Variants in GRAMD1C observed in about 807,000 individuals in gnomAD.
The protein encoded by GRAMD1C is GRAM domain containing 1C, also known as protein Aster-C.
In GRAMD1C, 89 loss-of-function variants were observed where a neutral mutation model predicts 97.8. The ratio of observed to expected loss-of-function variants is 0.91; its 90% confidence interval spans 0.77 to 1.09. The LOEUF (loss-of-function observed/expected upper bound fraction) is 1.09, where lower values mean the gene tolerates loss of function less well. GRAMD1C is among the 50% of genes least tolerant of loss of function. The pLI, the probability that GRAMD1C is intolerant of heterozygous loss-of-function variation, is 0.00. For synonymous variants in GRAMD1C, 256 were observed against 267.0 expected (o/e 0.96, Z 0.40); for missense variants, 740 against 766.4 (o/e 0.97, Z 0.41).
chr3:113,941,045 CTGTG>C (rs927706254), intron 17 of GRAMD1C, among the ~76,000 whole-genome samples: 5 of 152,198 alleles, frequency 3.3e-5, no homozygotes, highest in African/African-American at 1.2e-4. Context: ...TTCCTATTGT[CTGTG>C]TGTGTCTTCT....
chr3:113,835,112 C>T (rs2108061325), upstream of GRAMD1C, among the ~76,000 whole-genome samples: 1 of 151,548 alleles, frequency 6.6e-6, no homozygotes, highest in East Asian at 1.9e-4. Flanking sequence ...TAAGCATTCC[C>T]CTGATTGTGG....
Position 113,845,888 on chromosome 3 carries a change from T to G in GRAMD1C, c.174+1239T>G, listed in dbSNP as rs533622618. Among the ~76,000 whole-genome samples, 29 of 144,392 alleles carry G rather than the reference T, an allele frequency of 2.0e-4. 1 individual carries two copies. Among genetic ancestry groups the G allele is most frequent in the African/African-American group, 7.0e-4 (27 of 38,556 alleles). The allele number at this position is 144,392 out of a possible 152,430, so 94.7% of individuals were successfully genotyped here. On this transcript the variant is annotated intron_variant, in intron 2 of 17. Transcript: ENST00000358160. ...TTCAGTTCATTGGAATCTTAACAGT[T>G]ATTGAATCTTAACGTGACTAAAACG...
In GRAMD1C at chr3:113,915,719, A is replaced by G. The variant is rs1936786707; in HGVS notation, c.971A>G (p.Asp324Gly). Residue 324 changes from aspartate to glycine, a missense_variant, in exon 10 of 18, where the codon GAT (aspartate) becomes GGT (glycine). Coordinates refer to ENST00000358160, the MANE Select transcript of GRAMD1C (RefSeq NM_017577.5). ...TTTCCAGAAAATGTTCCTGAGAAAGATCTTCATGGAAGACTTTTTATCAAC... is the reference window on the plus strand; with the variant it reads ...TTTCCAGAAAATGTTCCTGAGAAAGGTCTTCATGGAAGACTTTTTATCAAC... Reference protein sequence around the residue: ...SVDEENVPEKDLHGRLFINRI... With the variant: ...SVDEENVPEKGLHGRLFINRI... The G allele has an allele frequency of 1.7e-5, 27 of 1,608,524 alleles. No homozygotes were observed. The highest frequency in any genetic ancestry group is 6.8e-5 in the Admixed American group (4 of 59,252).
At chr3:113,849,885 C>T (rs1447101843) in intron 2 of GRAMD1C, among the ~76,000 whole-genome samples, 1 of 151,920 alleles carries the variant, frequency 6.6e-6, no homozygotes, top group Non-Finnish European at 1.5e-5. Context: ...AGAGGCGCCC[C>T]TCACCTCCCG....
At chr3:113,939,795 C>A (rs1333997063) in intron 15 of GRAMD1C, 91 bp from the exon 16 acceptor site, 2 of 692,656 alleles carry the variant, frequency 2.9e-6, no homozygotes, top group South Asian at 1.7e-5. Flanking sequence ...GTAGACAATA[C>A]ACATTTTTGA....
chr3:113,856,325 A>C (rs1934126246), intron 2 of GRAMD1C, among the ~76,000 whole-genome samples: 1 of 152,146 alleles, frequency 6.6e-6, no homozygotes, highest in South Asian at 2.1e-4. Context: ...TATCCTTTAA[A>C]CAGTTTCCCC....
At position 113,887,094 on chromosome 3, in the gene GRAMD1C, TTG is replaced by T. The variant is rs200059831; in HGVS notation, c.540+4264_540+4265del. ...TGCGCCTGGCCTTTTTGTTTTTTTT[TTG>T]TTTTTTTTTTTTTTTGAGATAGAGT... is the stretch of plus-strand genomic sequence containing the variant. On this transcript the variant is annotated intron_variant, in intron 6 of 17. Coordinates refer to ENST00000358160, the MANE Select transcript of GRAMD1C (RefSeq NM_017577.5). 2.8e-3 allele frequency among the ~76,000 whole-genome samples: 346 copies of T among 121,626 alleles called. 41 individuals carry two copies. The highest frequency in any genetic ancestry group is 7.9e-3 in the Middle Eastern group (2 of 254). 79.8% of individuals were successfully genotyped at this position (121,626 alleles called of 152,430 possible).
chr3:113,916,911 G>A (rs1223398775), intron 10 of GRAMD1C, among the ~76,000 whole-genome samples: 2 of 152,148 alleles, frequency 1.3e-5, no homozygotes, highest in Non-Finnish European at 2.9e-5. Flanking sequence ...CACTTTGGGA[G>A]GTTGAGGTGG....
At chr3:113,895,730 A>G (rs1488938918) in intron 6 of GRAMD1C, among the ~76,000 whole-genome samples, 2 of 152,036 alleles carry the variant, frequency 1.3e-5, no homozygotes, top group South Asian at 2.1e-4. Flanking sequence ...GAACTCCTCT[A>G]TCTATTTTCC....
At chr3:113,849,267 T>TTTTA (rs200581881) in intron 2 of GRAMD1C, among the ~76,000 whole-genome samples, 45,525 of 141,300 alleles carry the variant, frequency 0.32, 7,330 homozygotes, top group East Asian at 0.43. Flanking sequence ...CTAGTTAATA[T>TTTTA]TTTATTTATT....
chr3:113,846,452 T>G (rs1368289192), intron 2 of GRAMD1C, among the ~76,000 whole-genome samples: 1 of 152,204 alleles, frequency 6.6e-6, no homozygotes, highest in African/African-American at 2.4e-5. Flanking sequence ...TTGGGGAACC[T>G]TCATACTCTT....
chr3:113,882,192 T>C (rs2107399336), intron 5 of GRAMD1C, among the ~76,000 whole-genome samples: 1 of 152,270 alleles, frequency 6.6e-6, no homozygotes, highest in East Asian at 1.9e-4. Flanking sequence ...ATACTACTTT[T>C]CTCTTATAGC....
At chr3:113,870,974 GACACACACAC>G (rs550859238) in intron 3 of GRAMD1C, among the ~76,000 whole-genome samples, 6 of 76,278 alleles carry the variant, frequency 7.9e-5, no homozygotes, top group East Asian at 3.8e-4. Flanking sequence ...ATAAATAAAA[GACACACACAC>G]ACACACACAC....
At chr3:113,940,388 A>C (rs1424177527) in intron 17 of GRAMD1C, 43 bp downstream of exon 17, 1 of 1,012,936 alleles carries the variant, frequency 9.9e-7, no homozygotes, top group African/African-American at 1.6e-5. Context: ...TCTTTGTCCC[A>C]GTATGAATTA....
At chr3:113,866,476 A>G (rs1934591910) in intron 2 of GRAMD1C, among the ~76,000 whole-genome samples, 1 of 151,976 alleles carries the variant, frequency 6.6e-6, no homozygotes, top group African/African-American at 2.4e-5. Context: ...AGTTGGTTCT[A>G]TGTTTTATCT....
intron 11 of GRAMD1C, among the ~76,000 whole-genome samples, chr3:113,932,196 T>C (rs1026100262): frequency 6.6e-5 from 10 of 152,206 alleles, no homozygotes; most frequent in African/African-American, 2.4e-4. Flanking sequence ...TCTTAACATC[T>C]GAACTAGTTG....
intron 9 of GRAMD1C, among the ~76,000 whole-genome samples, chr3:113,911,715 C>CT (rs60591194): frequency 3.1e-5 from 2 of 64,482 alleles, no homozygotes; most frequent in Non-Finnish European, 6.6e-5. Context: ...TTCCTTCCTT[C>CT]CTTCCTTCCT....
intron 5 of GRAMD1C, among the ~76,000 whole-genome samples, chr3:113,878,211 C>T (rs1935123535): frequency 6.6e-6 from 1 of 152,146 alleles, no homozygotes; most frequent in Non-Finnish European, 1.5e-5. Context: ...CCATTACTAT[C>T]ATTATTTATT....
At chr3:113,932,297 A>G (rs6781200) in intron 11 of GRAMD1C, among the ~76,000 whole-genome samples, 7,044 of 152,258 alleles carry the variant, frequency 0.046, 529 homozygotes, top group African/African-American at 0.16. Flanking sequence ...CAATTCTTAA[A>G]AGATTATCAA....
Sources: gnomAD v4.1 joint callset for allele counts (sites outside exome capture counted in the v4.1 genomes callset) on GRCh38, gnomAD v4.1.1 for gene constraint, MANE v1.5 for transcripts, NCBI Gene and HGNC (gene_info 2026-07-23, HGNC 2026-07-21) for gene names.